The following EDF1 variants were observed in gnomAD, a reference collection of about 807,000 sequenced individuals.
EDF1 encodes the protein endothelial differentiation-related factor 1.
Under a neutral mutation model 20.8 loss-of-function variants are expected in EDF1, and 5 were observed. The observed-to-expected ratio is 0.24, with a 90% CI of 0.13 to 0.51. EDF1 has a LOEUF of 0.51. EDF1 is among the 20% of genes least tolerant of loss of function. The pLI is 0.97. For missense variants in EDF1, 137 were observed against 197.8 expected (o/e 0.69, Z 1.84); for synonymous variants, 96 against 78.5 (o/e 1.22, Z -1.18).
In EDF1 at chr9:136,862,617, C is replaced by G. The variant is rs560052662; in HGVS notation, c.386-272G>C. 1.3e-6 allele frequency: 2 copies of G among 1,526,332 alleles called. No homozygotes were observed. Among genetic ancestry groups the G allele is most frequent in the Admixed American group, 2.0e-5 (1 of 50,236 alleles). 94.5% of individuals were successfully genotyped at this position (1,526,332 alleles called of 1,614,324 possible). On this transcript the variant is annotated intron_variant, in intron 4 of 4. Transcript: ENST00000224073. This position sits in a 1 kb window ranked among gnomAD's most constrained non-coding sequence, Gnocchi z 4.1. ...CTTCCGGCCCCATGCTGACAGGGCC[C>G]GGACCCGCTGTGCTCAGGCTCAGAG...
At chr9:136,865,637 G>A (rs190016025) in intron 1 of EDF1, among the ~76,000 whole-genome samples, 5 of 134,544 alleles carry the variant, frequency 3.7e-5, no homozygotes, top group Admixed American at 2.4e-4. Flanking sequence ...CCTGTCCTAA[G>A]CCCTGTACCC....
chr9:136,865,958 G>A (rs1365333039), intron 1 of EDF1, among the ~76,000 whole-genome samples: 4 of 68,388 alleles, frequency 5.8e-5, no homozygotes, highest in East Asian at 3.6e-4. Context: ...TCCTGGGTCC[G>A]CCCCCCACCT....
In EDF1 at chr9:136,863,031, C is replaced by T. The variant is rs1468398189; in HGVS notation, c.292-32G>A. The T allele has an allele frequency of 1.2e-6, 2 of 1,612,594 alleles. No homozygotes were observed. The highest frequency in any genetic ancestry group is 1.7e-6 in the Non-Finnish European group (2 of 1,179,448). ...AGAAGATGTGCTTTATACACATCAG[C>T]TCCACTAGGACTGCTGCAAAACCAG... On this transcript the variant is annotated intron_variant, in intron 3 of 4. Transcript: ENST00000224073. The surrounding 1 kb of genome is among the most constrained non-coding windows in gnomAD (Gnocchi z 4.5).
chr9:136,864,990 C>T (rs1849186071), intron 1 of EDF1, among the ~76,000 whole-genome samples: 2 of 152,210 alleles, frequency 1.3e-5, no homozygotes, highest in Admixed American at 1.3e-4. Flanking sequence ...ACAGATGCTG[C>T]CACGCAATTA....
In EDF1 at chr9:136,862,245, C is replaced by T. The variant is rs370069196; in HGVS notation, c.*39G>A. The T allele has an allele frequency of 1.9e-5, 30 of 1,612,768 alleles. No homozygotes were observed. Among genetic ancestry groups the T allele is most frequent in the East Asian group, 4.5e-5 (2 of 44,870 alleles). ...TGGCGGCCAAGGGGAACCGGCGGAA[C>T]GAGATCAGCTGGAGCGCACTGATTT... On this transcript the variant is annotated 3_prime_UTR_variant, in exon 5 of 5. Coordinates refer to ENST00000224073, the MANE Select transcript of EDF1 (RefSeq NM_003792.4). This position sits in a 1 kb window ranked among gnomAD's most constrained non-coding sequence, Gnocchi z 4.1.
At position 136,866,277 on chromosome 9, in the gene EDF1, T is replaced by C. The variant is rs374823091; in HGVS notation, c.-19A>G. On this transcript the variant is annotated 5_prime_UTR_variant, in exon 1 of 5. Transcript: ENST00000224073. Reference sequence around the variant, plus strand: ...CGGCCATGGCGGGCGAAGACGAGCGTCCGTCCGGCGGCTCAGCGGCAGCTG... The same window carrying C: ...CGGCCATGGCGGGCGAAGACGAGCGCCCGTCCGGCGGCTCAGCGGCAGCTG... 14 of 1,592,204 alleles carry C rather than the reference T, an allele frequency of 8.8e-6. No individual in the cohort carries two copies. The highest frequency in any genetic ancestry group is 5.1e-5 in the Admixed American group (3 of 58,674).
In EDF1 at chr9:136,862,684, G is replaced by A. The variant is rs1849127891; in HGVS notation, c.385+222C>T. On this transcript the variant is annotated intron_variant, in intron 4 of 4. Transcript: ENST00000224073. The surrounding 1 kb of genome is among the most constrained non-coding windows in gnomAD (Gnocchi z 4.1). ...ACAGGCTGACGGGAACTGGCAAGGG[G>A]AAGGGACTCGGACTCCACTTGCTCT... 50 of 1,492,536 alleles carry A rather than the reference G, an allele frequency of 3.4e-5. No homozygotes were observed. Among genetic ancestry groups the A allele is most frequent in the South Asian group, 1.1e-4 (8 of 75,136 alleles). The allele number at this position is 1,492,536 out of a possible 1,614,324, so 92.5% of individuals were successfully genotyped here.
In EDF1 at chr9:136,866,307, A is replaced by G. The variant is rs778802347; in HGVS notation, c.-49T>C. The G allele has an allele frequency of 6.3e-7, 1 of 1,575,822 alleles. No homozygotes were observed. The highest frequency in any genetic ancestry group is 8.6e-7 in the Non-Finnish European group (1 of 1,165,524). On this transcript the variant is annotated 5_prime_UTR_variant, in exon 1 of 5. Transcript: ENST00000224073. ...CCGGCGGCTCAGCGGCAGCTGCTAG[A>G]GACCTGGCGCGGCGACGCTACGTCC... is the stretch of plus-strand genomic sequence containing the variant.
Position 136,862,179 on chromosome 9 carries a change from C to G in EDF1, c.*105G>C. On this transcript the variant is annotated 3_prime_UTR_variant, in exon 5 of 5. Coordinates refer to ENST00000224073, the MANE Select transcript of EDF1 (RefSeq NM_003792.4). This position sits in a 1 kb window ranked among gnomAD's most constrained non-coding sequence, Gnocchi z 4.1. ...TGGGCTGGGGAGGGTCCCCCGCAAGCTGGACCCCTTGTTCCGTTCGGCCCG... is the reference window on the plus strand; with the variant it reads ...TGGGCTGGGGAGGGTCCCCCGCAAGGTGGACCCCTTGTTCCGTTCGGCCCG... 6.9e-7 allele frequency: 1 copy of G among 1,456,334 alleles called. No individual in the cohort carries two copies. The highest frequency in any genetic ancestry group is 1.1e-5 in the South Asian group (1 of 87,010). The allele number at this position is 1,456,334 out of a possible 1,614,324, so 90.2% of individuals were successfully genotyped here. A position where few individuals can be genotyped will look rare whatever the true frequency, so the allele number is the denominator to read the frequency against.
Position 136,862,761 on chromosome 9 carries a change from C to T in EDF1, c.385+145G>A, listed in dbSNP as rs1849129580. On this transcript the variant is annotated intron_variant, in intron 4 of 4. Transcript: ENST00000224073. This position sits in a 1 kb window ranked among gnomAD's most constrained non-coding sequence, Gnocchi z 4.1. Reference sequence around the variant, plus strand: ...CCCCACCATCCCTCAGTCTGTACTACCTGGAGAAGCAAAGCTCCAGAATTC... The same window carrying T: ...CCCCACCATCCCTCAGTCTGTACTATCTGGAGAAGCAAAGCTCCAGAATTC... The T allele has an allele frequency of 1.3e-6, 2 of 1,591,812 alleles. No homozygotes were observed. Among genetic ancestry groups the T allele is most frequent in the Non-Finnish European group, 1.7e-6 (2 of 1,172,164 alleles).
rs767837032 is a variant in EDF1, at chr9:136,862,876, G to A, written c.385+30C>T. The A allele has an allele frequency of 8.7e-6, 14 of 1,612,406 alleles. No homozygotes were observed. Among genetic ancestry groups the A allele is most frequent in the Middle Eastern group, 4.0e-4 (2 of 5,056 alleles). ...GGAGCGGGTAGCCTCCCTGTTCAGC[G>A]GACCCGGCGAAGGGTGGAGGGACAC... On this transcript the variant is annotated intron_variant, in intron 4 of 4. Coordinates refer to ENST00000224073, the MANE Select transcript of EDF1 (RefSeq NM_003792.4). The surrounding 1 kb of genome is among the most constrained non-coding windows in gnomAD (Gnocchi z 4.1).
chr9:136,865,733 C>T (rs575522408), intron 1 of EDF1, among the ~76,000 whole-genome samples: 2 of 151,530 alleles, frequency 1.3e-5, no homozygotes, highest in Non-Finnish European at 2.9e-5. Context: ...TGTCCCCTAT[C>T]CTCACACAAG....
At chr9:136,865,092 G>A (rs1027588772) in intron 1 of EDF1, among the ~76,000 whole-genome samples, 4 of 152,152 alleles carry the variant, frequency 2.6e-5, no homozygotes, top group South Asian at 2.1e-4. Flanking sequence ...TAAGGGTAGG[G>A]CAGACCAATG....
In EDF1 at chr9:136,863,683, CCCAGGGCTCCGG is replaced by C; in HGVS notation, c.130+125_130+136del. The stretch of plus-strand genomic sequence containing the variant: ...AGCTGCTCTGGGAAGATGGCTGCCT[CCCAGGGCTCCGG>C]CCAGCACCGGTGCAGGCAGGCACTC... On this transcript the variant is annotated intron_variant, in intron 2 of 4. Transcript: ENST00000224073. The surrounding 1 kb of genome is among the most constrained non-coding windows in gnomAD (Gnocchi z 4.5). 1 of 1,205,656 alleles carries C rather than the reference CCCAGGGCTCCGG, an allele frequency of 8.3e-7. No homozygotes were observed. The highest frequency in any genetic ancestry group is 1.2e-6 in the Non-Finnish European group (1 of 845,438). 74.7% of individuals were successfully genotyped at this position (1,205,656 alleles called of 1,614,324 possible). A position where few individuals can be genotyped will look rare whatever the true frequency, so the allele number is the denominator to read the frequency against.
rs905032307 is a variant in EDF1 at position 136,863,965 on chromosome 9, G to A, written c.79-94C>T. On this transcript the variant is annotated intron_variant, in intron 1 of 4. Coordinates refer to ENST00000224073, the MANE Select transcript of EDF1 (RefSeq NM_003792.4). This position sits in a 1 kb window ranked among gnomAD's most constrained non-coding sequence, Gnocchi z 4.5. ...CCTGCTGTTAGCCAGTTAGCACACT[G>A]CTAAGGACTAGTGGTGCCCAAGGAC... 9 of 1,338,766 alleles carry A rather than the reference G, an allele frequency of 6.7e-6. No homozygotes were observed. The African/African-American group carries it at 8.7e-5, about 13-fold the overall frequency. 82.9% of individuals were successfully genotyped at this position (1,338,766 alleles called of 1,614,324 possible).
chr9:136,866,152 G>C, intron 1 of EDF1, 29 bp downstream of exon 1: 5 of 1,579,960 alleles, frequency 3.2e-6, no homozygotes, highest in Non-Finnish European at 4.3e-6. Context: ...GCCCCGCCCG[G>C]CCCGGCCGCT....
Position 136,863,264 on chromosome 9 carries a change from G to A in EDF1, c.291+24C>T. 1.2e-6 allele frequency: 2 copies of A among 1,604,436 alleles called. No homozygotes were observed. Among genetic ancestry groups the A allele is most frequent in the South Asian group, 1.1e-5 (1 of 90,854 alleles). ...CCTCCCCAAACCCACAACCCCAGGAGTGAGAGCCCCGGCGCAGCCTCACCG... is the reference window on the plus strand; with the variant it reads ...CCTCCCCAAACCCACAACCCCAGGAATGAGAGCCCCGGCGCAGCCTCACCG... On this transcript the variant is annotated intron_variant, in intron 3 of 4. Coordinates refer to ENST00000224073, the MANE Select transcript of EDF1 (RefSeq NM_003792.4). This position sits in a 1 kb window ranked among gnomAD's most constrained non-coding sequence, Gnocchi z 4.5.
At position 136,863,295 on chromosome 9, in the gene EDF1, A is replaced by G; in HGVS notation, c.284T>C (p.Leu95Pro). The change falls in exon 3 of 5, where the codon CTG (leucine) becomes CCG (proline). Residue 95 changes from leucine to proline, a missense_variant. Leu to Pro is a moderately conservative substitution (Grantham distance 98). Coordinates refer to ENST00000224073, the MANE Select transcript of EDF1 (RefSeq NM_003792.4). The surrounding 1 kb of genome is among the most constrained non-coding windows in gnomAD (Gnocchi z 4.5). The part of the protein sequence containing the change: ...RQSKGLTQKD[L>P]ATKINEKPQV... Reference sequence around the variant, plus strand: ...GCCCCGGCGCAGCCTCACCGTGGCCAGGTCCTTCTGCGTAAGCCCCTTGCT... The same window carrying G: ...GCCCCGGCGCAGCCTCACCGTGGCCGGGTCCTTCTGCGTAAGCCCCTTGCT... 1 of 1,612,676 alleles carries G rather than the reference A, an allele frequency of 6.2e-7. No individual in the cohort carries two copies. The highest frequency in any genetic ancestry group is 1.1e-5 in the South Asian group (1 of 91,062).
At position 136,862,178 on chromosome 9, in the gene EDF1, G is replaced by A. The variant is rs543326820; in HGVS notation, c.*106C>T. 6.2e-6 allele frequency: 9 copies of A among 1,453,492 alleles called. No individual in the cohort carries two copies. In the African/African-American group the frequency reaches 1.3e-4, roughly 20 times the overall value. The allele number at this position is 1,453,492 out of a possible 1,614,324, so 90.0% of individuals were successfully genotyped here. Reference sequence around the variant, plus strand: ...ATGGGCTGGGGAGGGTCCCCCGCAAGCTGGACCCCTTGTTCCGTTCGGCCC... The same window carrying A: ...ATGGGCTGGGGAGGGTCCCCCGCAAACTGGACCCCTTGTTCCGTTCGGCCC... On this transcript the variant is annotated 3_prime_UTR_variant, in exon 5 of 5. Transcript: ENST00000224073. This position sits in a 1 kb window ranked among gnomAD's most constrained non-coding sequence, Gnocchi z 4.1.
Sources: gnomAD v4.1 joint callset for allele counts (sites outside exome capture counted in the v4.1 genomes callset) on GRCh38, gnomAD v4.1.1 for gene constraint, Gnocchi (gnomAD v3.1) non-coding constraint, MANE v1.5 for transcripts, NCBI Gene and HGNC (gene_info 2026-07-23, HGNC 2026-07-21) for gene names.